The following TNS3 variants were observed in gnomAD, a reference collection of about 807,000 sequenced individuals.
TNS3 encodes the protein tensin 3.
TNS3 carries 45 observed loss-of-function variants against 140.9 expected under a neutral mutation model. That is an observed-to-expected ratio of 0.32 (90% CI 0.25 to 0.41). TNS3 has a LOEUF of 0.41. Among genes scored for constraint, TNS3 ranks in the 10% least tolerant of loss-of-function variants. The pLI is 1.00. For synonymous variants in TNS3, 815 were observed against 788.4 expected (o/e 1.03, Z -0.56); for missense variants, 1,716 against 1,906.7 (o/e 0.90, Z 1.86).
intron 1 of TNS3, among the ~76,000 whole-genome samples, chr7:47,576,958 C>T (rs931869392): frequency 2.6e-5 from 4 of 152,228 alleles, no homozygotes; most frequent in Non-Finnish European, 5.9e-5. Flanking sequence ...TTCAGTATCG[C>T]CACGAGTGTA....
chr7:47,386,893 G>T (rs1792106857), intron 16 of TNS3, among the ~76,000 whole-genome samples: 1 of 152,178 alleles, frequency 6.6e-6, no homozygotes, highest in Non-Finnish European at 1.5e-5. Flanking sequence ...CCTGCAATCT[G>T]TGCTATGTTA....
At chr7:47,473,028 A>C (rs1797023224) in intron 4 of TNS3, among the ~76,000 whole-genome samples, 1 of 152,016 alleles carries the variant, frequency 6.6e-6, no homozygotes, top group Non-Finnish European at 1.5e-5. Flanking sequence ...TCCCAATCTG[A>C]GTGTGATCGC....
chr7:47,415,739 G>C (rs12216624), intron 10 of TNS3, among the ~76,000 whole-genome samples: 6,044 of 152,352 alleles, frequency 0.04, 174 homozygotes, highest in Non-Finnish European at 0.06. Flanking sequence ...TCTGATAAGA[G>C]GCTCTCCTTC....
intron 16 of TNS3, among the ~76,000 whole-genome samples, chr7:47,389,121 A>C (rs866668967): frequency 0.15 from 1,187 of 7,836 alleles, 257 homozygotes; most frequent in South Asian, 0.49. Flanking sequence ...GAAGAAGAAG[A>C]AGAAGAAGAA....
At chr7:47,403,165 T>G (rs1419558087) in intron 13 of TNS3, 1 of 152,554 alleles carries the variant, frequency 6.6e-6, no homozygotes, top group African/African-American at 2.4e-5. Flanking sequence ...CCCTCCCTCT[T>G]CAGGAATCCA....
At chr7:47,278,251 AG>A (rs1490861901) in intron 30 of TNS3, 31 bp from the exon 31 acceptor site, 2 of 1,602,022 alleles carry the variant, frequency 1.2e-6, no homozygotes. Context: ...CAGAGTGGTC[AG>A]TGTCCCACAA....
intron 4 of TNS3, among the ~76,000 whole-genome samples, chr7:47,449,370 T>C (rs144486647): frequency 1.4e-4 from 22 of 152,308 alleles, no homozygotes; most frequent in African/African-American, 4.8e-4. Flanking sequence ...TGCCTCCTCA[T>C]GTGCCTCCCT....
intron 1 of TNS3, among the ~76,000 whole-genome samples, chr7:47,571,965 C>A (rs1477050488): frequency 3.9e-5 from 6 of 152,208 alleles, no homozygotes; most frequent in Admixed American, 2.0e-4. Context: ...CTCCTCTCAC[C>A]GCCAGGGCCC....
intron 2 of TNS3, among the ~76,000 whole-genome samples, chr7:47,524,413 C>T (rs909398646): frequency 5.9e-5 from 9 of 152,242 alleles, no homozygotes; most frequent in Admixed American, 6.5e-5. Context: ...CTAGCTGAGG[C>T]GCCCAGAGCC....
At chr7:47,396,021 C>T (rs1792809520) in intron 16 of TNS3, among the ~76,000 whole-genome samples, 1 of 152,234 alleles carries the variant, frequency 6.6e-6, no homozygotes, top group Admixed American at 6.5e-5. Context: ...GCAGTTCTTT[C>T]CACAACACTT....
chr7:47,426,412 AATG>A (rs1310147580), intron 9 of TNS3, among the ~76,000 whole-genome samples: 1 of 152,258 alleles, frequency 6.6e-6, no homozygotes, highest in African/African-American at 2.4e-5. Flanking sequence ...ATGCATATAA[AATG>A]ATATTAATGT....
intron 22 of TNS3, 71 bp from the exon 23 acceptor site, chr7:47,302,343 A>T: frequency 7.9e-7 from 1 of 1,270,562 alleles, no homozygotes; most frequent in Admixed American, 1.7e-5. Context: ...ATCTGCTGTG[A>T]TCCCAGAAGT....
chr7:47,545,968 T>A (rs1799908883), intron 1 of TNS3, among the ~76,000 whole-genome samples: 1 of 152,206 alleles, frequency 6.6e-6, no homozygotes, highest in Admixed American at 6.5e-5. Flanking sequence ...GTGATATTTC[T>A]TCACAGTCTT....
At chr7:47,364,030 C>T (rs1790548232) in intron 17 of TNS3, among the ~76,000 whole-genome samples, 1 of 152,058 alleles carries the variant, frequency 6.6e-6, no homozygotes, top group African/African-American at 2.4e-5. Flanking sequence ...AACCTTCTGA[C>T]GATGTCCCAG....
At chr7:47,372,363 A>T (rs1032134590) in intron 16 of TNS3, among the ~76,000 whole-genome samples, 3 of 145,722 alleles carry the variant, frequency 2.1e-5, no homozygotes, top group African/African-American at 5.6e-5. Context: ...ACAATGACTT[A>T]AAAAAAAGCC....
intron 17 of TNS3, among the ~76,000 whole-genome samples, chr7:47,346,782 C>A (rs114131398): frequency 2.1e-4 from 32 of 152,322 alleles, no homozygotes; most frequent in Non-Finnish European, 4.0e-4. Flanking sequence ...CACACACCTG[C>A]GGTGACCTTG....
chr7:47,467,308 C>T (rs1348455267), intron 4 of TNS3, among the ~76,000 whole-genome samples: 1 of 152,232 alleles, frequency 6.6e-6, no homozygotes, highest in African/African-American at 2.4e-5. Context: ...AGAAAAACTT[C>T]CCACTAAAGT....
At chr7:47,527,098 A>G (rs1363373213) in intron 2 of TNS3, among the ~76,000 whole-genome samples, 5 of 150,860 alleles carry the variant, frequency 3.3e-5, no homozygotes, top group Admixed American at 2.0e-4. Flanking sequence ...TTAGCCGGGC[A>G]TGGTGGCGGG....
intron 4 of TNS3, among the ~76,000 whole-genome samples, chr7:47,478,578 T>C (rs1797282731): frequency 6.6e-6 from 1 of 152,132 alleles, no homozygotes; most frequent in South Asian, 2.1e-4. Context: ...AATAATTACA[T>C]ACAAGATACA....
Sources: allele counts gnomAD v4.1 joint callset (sites outside exome capture counted in the v4.1 genomes callset), GRCh38; gene constraint gnomAD v4.1.1; transcripts MANE v1.5; gene names NCBI Gene and HGNC (gene_info 2026-07-23, HGNC 2026-07-21).